MKLN1: variants seen among roughly 807,000 people sequenced by gnomAD.
MKLN1 encodes muskelin 1.
A neutral mutation model predicts 99.0 loss-of-function variants in MKLN1; 18 were observed. The observed-to-expected ratio is 0.18, with a 90% CI of 0.13 to 0.27. The LOEUF is 0.27. MKLN1 is among the 10% of genes least tolerant of loss of function. The pLI, the probability that MKLN1 is intolerant of heterozygous loss-of-function variation, is 1.00. For synonymous variants in MKLN1, 288 were observed against 293.2 expected (o/e 0.98, Z 0.18); for missense variants, 621 against 875.9 (o/e 0.71, Z 3.67).
intron 1 of MKLN1, among the ~76,000 whole-genome samples, chr7:131,332,603 A>G (rs1799111356): frequency 6.6e-6 from 1 of 151,592 alleles, no homozygotes; most frequent in Non-Finnish European, 1.5e-5. Flanking sequence ...ATTACTAGTC[A>G]CCCTTTAAAT....
At chr7:131,240,404 C>CA (rs1797384786) in intron 3 of MKLN1, among the ~76,000 whole-genome samples, 1 of 151,874 alleles carries the variant, frequency 6.6e-6, no homozygotes, top group South Asian at 2.1e-4. Context: ...TAAATATTGG[C>CA]AAAGGATATA....
At chr7:131,303,728 C>T (rs559433450) in intron 3 of MKLN1, among the ~76,000 whole-genome samples, 1 of 152,302 alleles carries the variant, frequency 6.6e-6, no homozygotes, top group Non-Finnish European at 1.5e-5. Flanking sequence ...TCTCAGTTTA[C>T]TTGTGGGGCT....
chr7:131,378,551 C>T lies in MKLN1; in HGVS notation c.168+3058C>T, dbSNP rs536386901. Among the ~76,000 whole-genome samples the T allele has an allele frequency of 3.9e-5, 6 of 152,284 alleles. No homozygotes were observed. In the South Asian group the frequency reaches 8.3e-4, roughly 21 times the overall value. On this transcript the variant is annotated intron_variant, in intron 2 of 17. Transcript: ENST00000352689. ...GATAAAAAATAGATATATCCACGGC[C>T]GGACGTGGTGGCTCATGCCTGTAAT...
intron 2 of MKLN1, among the ~76,000 whole-genome samples, chr7:131,182,634 C>T (rs1034303630): frequency 3.3e-5 from 5 of 152,150 alleles, no homozygotes; most frequent in African/African-American, 1.2e-4. Flanking sequence ...TTGCTAAGAA[C>T]AAATAGAGAA....
intron 1 of MKLN1, among the ~76,000 whole-genome samples, chr7:131,128,896 A>AT (rs59954758): frequency 0.27 from 32,433 of 118,738 alleles, 4,513 homozygotes; most frequent in East Asian, 0.52. Flanking sequence ...CACCTCACCT[A>AT]TTTTTTTTTT....
rs200465248 is a variant in MKLN1 at position 131,186,133 on chromosome 7, A to G, written c.-296-16724A>G. Among the ~76,000 whole-genome samples, 7 of 152,100 alleles carry G rather than the reference A, an allele frequency of 4.6e-5. No homozygotes were observed. The East Asian group carries it at 1.4e-3, about 30-fold the overall frequency. On this transcript the variant is annotated intron_variant, in intron 2 of 7. Transcript: ENST00000416992. The stretch of plus-strand genomic sequence containing the variant: ...TTGCACCCGGAAGGTGGAGGTTGCA[A>G]TGAGCCGAAATCATGTCATTGCACT...
intron 1 of MKLN1, among the ~76,000 whole-genome samples, chr7:131,129,747 A>T (rs1191229372): frequency 1.3e-5 from 2 of 152,114 alleles, no homozygotes; most frequent in Non-Finnish European, 2.9e-5. Flanking sequence ...TGAATTTTTT[A>T]AAACTTTTTT....
intron 1 of MKLN1, among the ~76,000 whole-genome samples, chr7:131,118,754 A>G (rs547843207): frequency 1.3e-5 from 2 of 152,284 alleles, no homozygotes; most frequent in East Asian, 3.9e-4. Context: ...AAAGAGAATG[A>G]AGGGGGAAGT....
chr7:131,439,397 A>C (rs1259487656), intron 10 of MKLN1, among the ~76,000 whole-genome samples: 1 of 152,060 alleles, frequency 6.6e-6, no homozygotes, highest in African/African-American at 2.4e-5. Flanking sequence ...TGTTTCTTGA[A>C]AGCTGGGTGC....
intron 2 of MKLN1, among the ~76,000 whole-genome samples, chr7:131,175,314 T>C (rs1796282903): frequency 6.6e-6 from 1 of 152,154 alleles, no homozygotes; most frequent in African/African-American, 2.4e-5. Flanking sequence ...CTCCCACATA[T>C]GAAAAGATGG....
intron 3 of MKLN1, among the ~76,000 whole-genome samples, chr7:131,299,964 T>C (rs1798351307): frequency 6.6e-6 from 1 of 152,188 alleles, no homozygotes; most frequent in Admixed American, 6.5e-5. Flanking sequence ...AGATATTTTG[T>C]GGCAAAGTTA....
chr7:131,295,636 A>G (rs1798279839), intron 3 of MKLN1, among the ~76,000 whole-genome samples: 1 of 152,164 alleles, frequency 6.6e-6, no homozygotes, highest in South Asian at 2.1e-4. Context: ...CTATAATCCC[A>G]ACACTTTGGG....
At chr7:131,466,040 T>G (rs1417427913) in intron 14 of MKLN1, among the ~76,000 whole-genome samples, 1 of 152,238 alleles carries the variant, frequency 6.6e-6, no homozygotes, top group African/African-American at 2.4e-5. Flanking sequence ...CCACTGTCAT[T>G]GTAGTTATGG....
chr7:131,383,187 A>G (rs948496289), intron 2 of MKLN1, among the ~76,000 whole-genome samples: 1 of 152,124 alleles, frequency 6.6e-6, no homozygotes, highest in Non-Finnish European at 1.5e-5. Context: ...ACAGAGTCCA[A>G]ATTTCTTAAT....
intron 2 of MKLN1, among the ~76,000 whole-genome samples, chr7:131,143,474 G>C (rs1260640019): frequency 6.6e-6 from 1 of 151,558 alleles, no homozygotes; most frequent in Non-Finnish European, 1.5e-5. Flanking sequence ...TCAAAAAAAA[G>C]AAAAAATTCT....
At position 131,235,188 on chromosome 7, in the gene MKLN1, CT is replaced by C. The variant is rs1221041047; in HGVS notation, c.-179+32215del. Among the ~76,000 whole-genome samples, 4 of 152,230 alleles carry C rather than the reference CT, an allele frequency of 2.6e-5. No individual in the cohort carries two copies. The East Asian group carries it at 7.7e-4, about 29-fold the overall frequency. Reference sequence around the variant, plus strand: ...TCTCAATCATTCTCTCTCTTTCACTCTATCTCTGTCTCTCCCTCTATCTCTC... The same window carrying C: ...TCTCAATCATTCTCTCTCTTTCACTCATCTCTGTCTCTCCCTCTATCTCTC... On this transcript the variant is annotated intron_variant, in intron 3 of 7. Coordinates refer to the MKLN1 transcript ENST00000416992.
rs567092522 is a variant in MKLN1, at chr7:131,306,176, T to C, written c.-178-69248T>C. ...ACGTTTCCTGAGGCCTCCCCAGCCATGTGAAACTGTGAGTCAATTAAACCT... is the reference window on the plus strand; with the variant it reads ...ACGTTTCCTGAGGCCTCCCCAGCCACGTGAAACTGTGAGTCAATTAAACCT... On this transcript the variant is annotated intron_variant, in intron 3 of 7. Transcript: ENST00000416992. Among the ~76,000 whole-genome samples, 4 of 152,328 alleles carry C rather than the reference T, an allele frequency of 2.6e-5. No individual in the cohort carries two copies. In the South Asian group the frequency reaches 6.2e-4, roughly 24 times the overall value.
intron 3 of MKLN1, among the ~76,000 whole-genome samples, chr7:131,207,053 A>G (rs34265521): frequency 0.18 from 27,041 of 152,074 alleles, 2,904 homozygotes; most frequent in African/African-American, 0.3. Context: ...GAAGGGACAG[A>G]GGCTAAGGTT....
intron 3 of MKLN1, among the ~76,000 whole-genome samples, chr7:131,210,675 C>A (rs958603934): frequency 1.8e-5 from 2 of 108,200 alleles, no homozygotes; most frequent in African/African-American, 3.7e-5. Context: ...TGCACTCCAG[C>A]CTGGGAGATC....
Sources: gnomAD v4.1 joint callset for allele counts (sites outside exome capture counted in the v4.1 genomes callset) on GRCh38, gnomAD v4.1.1 for gene constraint, MANE v1.5 for transcripts, NCBI Gene and HGNC (gene_info 2026-07-23, HGNC 2026-07-21) for gene names.